LSM4: variants seen among roughly 807,000 people sequenced by gnomAD.
LSM4 encodes U6 snRNA-associated Sm-like protein LSm4.
LSM4 carries 15 observed loss-of-function variants against 22.3 expected under a neutral mutation model. That is an observed-to-expected ratio of 0.67 (90% CI 0.45 to 1.03). The LOEUF is 1.03. LSM4 is among the 50% of genes least tolerant of loss of function. The pLI is 0.00. For missense variants in LSM4, 127 were observed against 198.0 expected (o/e 0.64, Z 2.15); for synonymous variants, 90 against 79.8 (o/e 1.13, Z -0.68).
chr19:18,320,315 T>A (rs892686111), intron 1 of LSM4, among the ~76,000 whole-genome samples: 1 of 152,052 alleles, frequency 6.6e-6, no homozygotes, highest in Non-Finnish European at 1.5e-5. Context: ...TGAGACCAGC[T>A]TGGGCAACAC....
chr19:18,309,106 C>T (rs1227974347), intron 4 of LSM4, among the ~76,000 whole-genome samples: 2 of 152,060 alleles, frequency 1.3e-5, no homozygotes, highest in Admixed American at 1.3e-4. Context: ...TGAGCCTGCA[C>T]AGAATTGGCG....
At chr19:18,318,041 C>A (rs559566870) in intron 1 of LSM4, among the ~76,000 whole-genome samples, 4 of 152,320 alleles carry the variant, frequency 2.6e-5, no homozygotes, top group Admixed American at 2.6e-4. Flanking sequence ...GGCCCCAGCA[C>A]CAAGGGGCCC....
chr19:18,307,792 G>A (rs949950120), intron 4 of LSM4, among the ~76,000 whole-genome samples: 2 of 152,076 alleles, frequency 1.3e-5, no homozygotes, highest in Non-Finnish European at 2.9e-5. Flanking sequence ...GATGCGGGGG[G>A]GGGGGACTAG....
intron 1 of LSM4, among the ~76,000 whole-genome samples, chr19:18,319,736 C>T (rs761926326): frequency 6.6e-6 from 1 of 152,232 alleles, no homozygotes; most frequent in Non-Finnish European, 1.5e-5. Flanking sequence ...GGGTGACCTT[C>T]CCCAGGCTGC....
intron 3 of LSM4, among the ~76,000 whole-genome samples, chr19:18,310,868 CT>C (rs1040574063): frequency 5.3e-5 from 8 of 152,212 alleles, no homozygotes; most frequent in African/African-American, 1.9e-4. Flanking sequence ...CCAGATGGAA[CT>C]TTCTGTTTCC....
At chr19:18,316,373 G>A (rs1255238554) in intron 1 of LSM4, 5 of 199,146 alleles carry the variant, frequency 2.5e-5, no homozygotes, top group East Asian at 2.6e-4. Flanking sequence ...ACGGAGTCTC[G>A]CTCTGTCACC....
At chr19:18,322,471 A>C (rs1970435117) in intron 1 of LSM4, among the ~76,000 whole-genome samples, 1 of 152,130 alleles carries the variant, frequency 6.6e-6, no homozygotes, top group Admixed American at 6.6e-5. Flanking sequence ...CGCTGGAATG[A>C]CATGCTATGT....
At chr19:18,316,254 CAGATT>C (rs2148143637) in intron 1 of LSM4, 189 bp from the exon 2 acceptor site, 1 of 509,286 alleles carries the variant, frequency 2.0e-6, no homozygotes, top group African/African-American at 2.0e-5. Context: ...ACCTGCCTCT[CAGATT>C]AGGAAGAAAA....
chr19:18,320,254 TCA>T (rs996712194), intron 1 of LSM4, among the ~76,000 whole-genome samples: 10 of 152,336 alleles, frequency 6.6e-5, no homozygotes, highest in Admixed American at 6.5e-4. Flanking sequence ...GTGCCTGCAA[TCA>T]CAGCACTTTG....
intron 1 of LSM4, among the ~76,000 whole-genome samples, chr19:18,319,550 A>C (rs1213324809): frequency 6.6e-6 from 1 of 152,034 alleles, no homozygotes; most frequent in Non-Finnish European, 1.5e-5. Context: ...TGACAGTGAC[A>C]CTTCATCTCA....
At chr19:18,308,119 A>C (rs1970253310) in intron 4 of LSM4, among the ~76,000 whole-genome samples, 1 of 152,194 alleles carries the variant, frequency 6.6e-6, no homozygotes, top group Non-Finnish European at 1.5e-5. Flanking sequence ...GACATTTTCC[A>C]TGAAGCCCCT....
chr19:18,307,569 A>G lies in LSM4; in HGVS notation c.329-14T>C. 1 of 1,493,566 alleles carries G rather than the reference A, an allele frequency of 6.7e-7. No homozygotes were observed. The highest frequency in any genetic ancestry group is 9.0e-7 in the Non-Finnish European group (1 of 1,116,076). The allele number at this position is 1,493,566 out of a possible 1,614,324, so 92.5% of individuals were successfully genotyped here. A position where few individuals can be genotyped will look rare whatever the true frequency, so the allele number is the denominator to read the frequency against. ...CACCAAACACACCTAGAGGACAGAG[A>G]GAGGGCGCTGCAGCAGAGCCAGGTG... On this transcript the variant is annotated splice_polypyrimidine_tract_variant and intron_variant, in intron 4 of 4. Coordinates refer to ENST00000593829, the MANE Select transcript of LSM4 (RefSeq NM_012321.5).
intron 4 of LSM4, chr19:18,309,400 A>G: frequency 2.1e-6 from 1 of 486,732 alleles, no homozygotes; most frequent in Non-Finnish European, 3.6e-6. Context: ...GCCTGGACAG[A>G]TGGGCACCAC....
At chr19:18,312,579 C>A (rs1204639821) in intron 3 of LSM4, 25 bp downstream of exon 3, 1 of 1,599,914 alleles carries the variant, frequency 6.3e-7, no homozygotes, top group African/African-American at 1.3e-5. Context: ...TGCATCCCAC[C>A]CCCGTTGGTG....
At chr19:18,321,364 C>T (rs947727017) in intron 1 of LSM4, among the ~76,000 whole-genome samples, 5 of 152,164 alleles carry the variant, frequency 3.3e-5, no homozygotes, top group Non-Finnish European at 5.9e-5. Flanking sequence ...CACTTGAAAT[C>T]GCCTTTGCAA....
chr19:18,308,494 C>A (rs1240589435), intron 4 of LSM4, among the ~76,000 whole-genome samples: 1 of 152,262 alleles, frequency 6.6e-6, no homozygotes, highest in Admixed American at 6.5e-5. Flanking sequence ...CCAAGGCCAG[C>A]AAGAGGAGCT....
chr19:18,319,332 G>A (rs1314370919), intron 1 of LSM4, among the ~76,000 whole-genome samples: 2 of 152,056 alleles, frequency 1.3e-5, no homozygotes, highest in African/African-American at 4.8e-5. Context: ...GGGAGGCCAA[G>A]GTGGGCGGAT....
chr19:18,307,510 C>T lies in LSM4; in HGVS notation c.374G>A (p.Arg125Lys), dbSNP rs1970242594. The T allele has an allele frequency of 6.4e-7, 1 of 1,556,502 alleles. No homozygotes were observed. Among genetic ancestry groups the T allele is most frequent in the Non-Finnish European group, 8.7e-7 (1 of 1,151,090 alleles). Residue 125 changes from arginine (R) to lysine (K), a missense_variant, in exon 5 of 5, where the codon AGA becomes AAA. Arg to Lys is a conservative substitution (Grantham distance 26). Transcript: ENST00000593829. ...GCCAGGCTTCTTCTCTGGCTGGCCT[C>T]TGCCTGTGCCCGGGATCCCACCTCG... ...RGRGGIPGTGRGQPEKKPGRQ... is the reference protein window; with the variant it reads ...RGRGGIPGTGKGQPEKKPGRQ...
Position 18,309,664 on chromosome 19 carries a change from G to C in LSM4, c.328+14C>G. 6.3e-7 allele frequency: 1 copy of C among 1,586,564 alleles called. No homozygotes were observed. Among genetic ancestry groups the C allele is most frequent in the Non-Finnish European group, 8.6e-7 (1 of 1,169,212 alleles). ...TCCCGCCCCAGGTACGTCCACTGGA[G>C]AGGGGAGACCCACCTCGGCCAGCGC... On this transcript the variant is annotated intron_variant, in intron 4 of 4. Transcript: ENST00000593829.
Sources: gnomAD v4.1 joint callset for allele counts (sites outside exome capture counted in the v4.1 genomes callset) on GRCh38, gnomAD v4.1.1 for gene constraint, MANE v1.5 for transcripts, NCBI Gene and HGNC (gene_info 2026-07-23, HGNC 2026-07-21) for gene names.